Variants in CA10 observed in about 807,000 individuals in gnomAD.
CA10 encodes the protein carbonic anhydrase-related protein 10.
In CA10, 14 loss-of-function variants were observed where a neutral mutation model predicts 44.2. The ratio of observed to expected loss-of-function variants is 0.32; its 90% CI spans 0.21 to 0.50. The LOEUF is 0.50. CA10 is among the 20% of genes least tolerant of loss of function. The pLI is 0.99. For synonymous variants in CA10, 159 were observed against 141.6 expected, an observed-to-expected ratio of 1.12 and a Z score of -0.87; for missense variants, 350 against 409.7, an observed-to-expected ratio of 0.85 and a Z score of 1.26.
chr17:52,072,262 C>T (rs1598199816), intron 2 of CA10, 57 bp downstream of exon 2: 1 of 1,221,044 alleles, frequency 8.2e-7, no homozygotes. Flanking sequence ...GGAAATAATG[C>T]TAGCCTTCAT....
At chr17:51,910,657 G>A (rs969134659) in intron 3 of CA10, among the ~76,000 whole-genome samples, 5 of 152,130 alleles carry the variant, frequency 3.3e-5, no homozygotes, top group Admixed American at 6.6e-5. Flanking sequence ...AATGGACAAC[G>A]TAGTTACGCC....
At position 51,631,294 on chromosome 17, in the gene CA10, A is replaced by AAACTT. The variant is rs1241099392; in HGVS notation, c.*285_*289dup. ...CTTATGAATGAGACTTTTGTTTCTGAAACTTGACTTCCCATGATGGAGGTT... is the reference window on the plus strand; with the variant it reads ...CTTATGAATGAGACTTTTGTTTCTGAAACTTAACTTGACTTCCCATGATGGAGGTT... On this transcript the variant is annotated 3_prime_UTR_variant, in exon 9 of 9. Coordinates refer to ENST00000451037, the MANE Select transcript of CA10 (RefSeq NM_020178.5). 5.4e-6 allele frequency: 2 copies of AAACTT among 373,294 alleles called. No homozygotes were observed. Among genetic ancestry groups the AAACTT allele is most frequent in the Non-Finnish European group, 9.7e-6 (2 of 206,198 alleles). The allele number at this position is 373,294 out of a possible 1,614,324, so 23.1% of individuals were successfully genotyped here. A position where few individuals can be genotyped will look rare whatever the true frequency, so the allele number is the denominator to read the frequency against.
chr17:52,131,459 C>A (rs754013454), intron 1 of CA10, among the ~76,000 whole-genome samples: 5 of 152,144 alleles, frequency 3.3e-5, no homozygotes, highest in Non-Finnish European at 5.9e-5. Flanking sequence ...GATAGTGAAA[C>A]AATTACTGAA....
At chr17:51,647,365 T>C (rs1913382475) in intron 6 of CA10, among the ~76,000 whole-genome samples, 1 of 152,258 alleles carries the variant, frequency 6.6e-6, no homozygotes, top group East Asian at 1.9e-4. Flanking sequence ...CCTTCAGTGC[T>C]CTCCAGGTTT....
intron 1 of CA10, among the ~76,000 whole-genome samples, chr17:52,095,061 C>T (rs1409992284): frequency 6.6e-6 from 1 of 152,106 alleles, no homozygotes; most frequent in African/African-American, 2.4e-5. Context: ...AAAGACTGAA[C>T]AACCCATATG....
At chr17:51,963,049 A>G (rs1316628946) in intron 2 of CA10, among the ~76,000 whole-genome samples, 4 of 152,238 alleles carry the variant, frequency 2.6e-5, no homozygotes, top group South Asian at 2.1e-4. Context: ...AAATGAAGAA[A>G]GAGACAAACA....
At chr17:51,718,288 G>A (rs1007011172) in intron 4 of CA10, among the ~76,000 whole-genome samples, 46 of 151,902 alleles carry the variant, frequency 3.0e-4, no homozygotes, top group African/African-American at 9.9e-4. Flanking sequence ...AAAATAAATA[G>A]ATAAATAAAT....
At chr17:52,104,965 C>G (rs1988626068) in intron 1 of CA10, among the ~76,000 whole-genome samples, 1 of 152,124 alleles carries the variant, frequency 6.6e-6, no homozygotes, top group African/African-American at 2.4e-5. Flanking sequence ...TGAGAGCCAC[C>G]CAGACTGATG....
intron 3 of CA10, among the ~76,000 whole-genome samples, chr17:51,853,514 G>A (rs1049993517): frequency 2.0e-5 from 3 of 152,200 alleles, no homozygotes; most frequent in Admixed American, 6.5e-5. Flanking sequence ...AGAGGCACTT[G>A]CCCATGATGT....
At chr17:51,913,823 G>A (rs1468701486) in intron 3 of CA10, among the ~76,000 whole-genome samples, 13 of 152,020 alleles carry the variant, frequency 8.6e-5, no homozygotes, top group Admixed American at 8.5e-4. Flanking sequence ...TCCTCTTGTT[G>A]GTGTGACTTG....
At chr17:51,792,633 C>T (rs983071411) in intron 3 of CA10, among the ~76,000 whole-genome samples, 2 of 152,242 alleles carry the variant, frequency 1.3e-5, no homozygotes, top group African/African-American at 4.8e-5. Flanking sequence ...CTATTAATTA[C>T]GCTTTCATAC....
intron 1 of CA10, among the ~76,000 whole-genome samples, chr17:52,110,568 C>T (rs753729411): frequency 8.5e-5 from 13 of 152,098 alleles, no homozygotes; most frequent in African/African-American, 2.9e-4. Flanking sequence ...TGGGTGTCTG[C>T]GATTTACCTG....
At chr17:51,768,661 A>T (rs1905480598) in intron 3 of CA10, among the ~76,000 whole-genome samples, 1 of 152,168 alleles carries the variant, frequency 6.6e-6, no homozygotes, top group South Asian at 2.1e-4. Context: ...GTCCACAGTG[A>T]TGACAGTTAC....
At chr17:51,737,677 A>T (rs977297019) in intron 4 of CA10, among the ~76,000 whole-genome samples, 1 of 152,148 alleles carries the variant, frequency 6.6e-6, no homozygotes, top group Non-Finnish European at 1.5e-5. Flanking sequence ...AGATCTTCTA[A>T]GTCAAAATGT....
chr17:52,118,509 G>A (rs913772240), intron 1 of CA10, among the ~76,000 whole-genome samples: 1 of 151,918 alleles, frequency 6.6e-6, no homozygotes, highest in Non-Finnish European at 1.5e-5. Flanking sequence ...TCAGCTTCAG[G>A]TTGTCTTTTC....
rs542901474 is a variant in CA10 at position 51,765,802 on chromosome 17, CA to C, written c.280-17985del. ...AGAAATGTCAAGAACTAGAAGGTACCAGGGAGAGTCTGGAGGGCTGAGATGG... is the reference window on the plus strand; with the variant it reads ...AGAAATGTCAAGAACTAGAAGGTACCGGGAGAGTCTGGAGGGCTGAGATGG... On this transcript the variant is annotated intron_variant, in intron 3 of 8. Coordinates refer to ENST00000451037, the MANE Select transcript of CA10 (RefSeq NM_020178.5). Among the ~76,000 whole-genome samples the C allele has an allele frequency of 2.4e-3, 365 of 151,154 alleles. 1 individual carries two copies. The highest frequency in any genetic ancestry group is 6.9e-3 in the Middle Eastern group (2 of 290).
At chr17:51,765,691 C>CTGTGTGTGTG (rs61631215) in intron 3 of CA10, among the ~76,000 whole-genome samples, 4,349 of 140,202 alleles carry the variant, frequency 0.031, 129 homozygotes, top group Non-Finnish European at 0.043. Context: ...AGGCAGCTCC[C>CTGTGTGTGTG]TGTGTGTGTG....
chr17:51,875,414 T>C (rs534156093), intron 3 of CA10, among the ~76,000 whole-genome samples: 2 of 152,290 alleles, frequency 1.3e-5, no homozygotes, highest in South Asian at 4.1e-4. Flanking sequence ...ACTTAACACT[T>C]TCAAGAGTCA....
At chr17:52,116,633 T>C (rs949695385) in intron 1 of CA10, among the ~76,000 whole-genome samples, 1 of 152,098 alleles carries the variant, frequency 6.6e-6, no homozygotes, top group African/African-American at 2.4e-5. Flanking sequence ...GGGTATTCAC[T>C]AAAAAGAGAA....
Sources: allele counts gnomAD v4.1 joint callset (sites outside exome capture counted in the v4.1 genomes callset), GRCh38; gene constraint gnomAD v4.1.1; transcripts MANE v1.5; gene names NCBI Gene and HGNC (gene_info 2026-07-23, HGNC 2026-07-21).